The following SMARCA4 variants were observed in gnomAD, a reference collection of about 807,000 sequenced individuals.
SMARCA4 encodes the protein SWI/SNF-related matrix-associated actin-dependent regulator of chromatin subfamily A member 4.
Under a neutral mutation model 193.9 loss-of-function variants are expected in SMARCA4, and 31 were observed. The observed-to-expected ratio is 0.16, with a 90% CI of 0.12 to 0.22. The LOEUF is 0.22. Among genes scored for constraint, SMARCA4 ranks in the 10% least tolerant of loss-of-function variants. The pLI is 1.00. For missense variants in SMARCA4, 1,148 were observed against 2,296.0 expected (o/e 0.50, Z 10.22); for synonymous variants, 942 against 933.1 (o/e 1.01, Z -0.17).
In SMARCA4 at chr19:11,021,865, C is replaced by T. The variant is rs113955216; in HGVS notation, c.2757C>T (p.Pro919=). ...GCACACCGCTGCAGAACAAGCTTCCCGAGCTCTGGGCGCTGCTCAACTTCC... is the reference window on the plus strand; with the variant it reads ...GCACACCGCTGCAGAACAAGCTTCCTGAGCTCTGGGCGCTGCTCAACTTCC... ...LTGTPLQNKL[P]ELWALLNFLL... is the part of the protein sequence containing the mutation. Residue 919 remains proline, a synonymous_variant, in exon 19 of 35, where the codon CCC becomes CCT. Coordinates refer to ENST00000344626, the MANE Select transcript of SMARCA4 (RefSeq NM_003072.5). 828 of 1,613,788 alleles carry T rather than the reference C, an allele frequency of 5.1e-4. 13 individuals carry two copies. The African/African-American group carries it at 8.5e-3, about 17-fold the overall frequency.
At position 10,987,669 on chromosome 19, in the gene SMARCA4, C is replaced by T. The variant is rs1026742588; in HGVS notation, c.863C>T (p.Pro288Leu). ...CTGGCCCCTTGCCTTCTCCCAGGAC[C>T]CATGGCGAATGCTGCTGCCCCCACG... ...GGPPKPWPEG[P>L]MANAAAPTST... Residue 288 changes from proline to leucine, a missense_variant, in exon 6 of 35, where the codon CCC (proline) becomes CTC (leucine). Coordinates refer to ENST00000344626, the MANE Select transcript of SMARCA4 (RefSeq NM_003072.5). This position sits in a 1 kb window ranked among gnomAD's most constrained non-coding sequence, Gnocchi z 5.3. 1 of 1,613,142 alleles carries T rather than the reference C, an allele frequency of 6.2e-7. No individual in the cohort carries two copies. Among genetic ancestry groups the T allele is most frequent in the Non-Finnish European group, 8.5e-7 (1 of 1,179,798 alleles).
At chr19:10,995,641 A>G (rs1174475468) in intron 9 of SMARCA4, 7 of 381,632 alleles carry the variant, frequency 1.8e-5, no homozygotes, top group Non-Finnish European at 3.6e-5. Context: ...ACAAAGGTTG[A>G]GGTGGCAGGC....
intron 19 of SMARCA4, among the ~76,000 whole-genome samples, chr19:11,022,929 A>G (rs1034285840): frequency 3.3e-5 from 5 of 152,262 alleles, no homozygotes; most frequent in African/African-American, 1.2e-4. Context: ...CAGGGAAGCA[A>G]TAGAAGAAAA....
At position 11,034,585 on chromosome 19, in the gene SMARCA4, C is replaced by G. The variant is rs1396339230; in HGVS notation, c.3952-329C>G. On this transcript the variant is annotated intron_variant, in intron 28 of 34. Transcript: ENST00000344626. This position sits in a 1 kb window ranked among gnomAD's most constrained non-coding sequence, Gnocchi z 7.0. ...GGTGGGAAACAGGAAATAAGCCACC[C>G]AAGCAGGGGCCCCTTGGCCCGCAGG... 6.6e-6 allele frequency among the ~76,000 whole-genome samples: 1 copy of G among 152,174 alleles called. No homozygotes were observed. The highest frequency in any genetic ancestry group is 1.5e-5 in the Non-Finnish European group (1 of 68,022).
At chr19:11,012,455 C>T (rs1055309898) in intron 15 of SMARCA4, 1 of 191,264 alleles carries the variant, frequency 5.2e-6, no homozygotes, top group East Asian at 1.2e-4. Flanking sequence ...ATAACGTTAT[C>T]TTCAGTTTGC....
intron 30 of SMARCA4, among the ~76,000 whole-genome samples, chr19:11,055,336 CCTG>C (rs2076482916): frequency 6.6e-6 from 1 of 152,084 alleles, no homozygotes; most frequent in Non-Finnish European, 1.5e-5. Flanking sequence ...ATTGCAGGTG[CCTG>C]TCACCACGCC....
In SMARCA4 at chr19:11,045,282, G is replaced by A. The variant is rs1039592724; in HGVS notation, c.4424+3722G>A. Among the ~76,000 whole-genome samples, 8 of 151,956 alleles carry A rather than the reference G, an allele frequency of 5.3e-5. No homozygotes were observed. In the East Asian group the frequency reaches 9.6e-4, roughly 18 times the overall value. ...TTGCAGTGAGCCGAGACCGCGCCAC[G>A]GCACTCCAGCCTGGGCGACAGAGCG... On this transcript the variant is annotated intron_variant, in intron 30 of 34. Coordinates refer to ENST00000344626, the MANE Select transcript of SMARCA4 (RefSeq NM_003072.5).
intron 30 of SMARCA4, among the ~76,000 whole-genome samples, chr19:11,047,345 G>A (rs1280075514): frequency 1.3e-5 from 2 of 152,102 alleles, no homozygotes; most frequent in East Asian, 3.9e-4. Context: ...GTTGAAGACA[G>A]CGCTGATGTT....
At chr19:10,979,948 A>G (rs1240464756) in intron 1 of SMARCA4, among the ~76,000 whole-genome samples, 1 of 152,180 alleles carries the variant, frequency 6.6e-6, no homozygotes, top group African/African-American at 2.4e-5. Flanking sequence ...TGTACAAGTC[A>G]GTGAGAGTAA....
intron 34 of SMARCA4, chr19:11,060,389 C>G: frequency 1.5e-6 from 1 of 663,254 alleles, no homozygotes; most frequent in Non-Finnish European, 2.6e-6. Flanking sequence ...CTGTGTGACC[C>G]CGGAACCAGC....
At chr19:11,020,730 G>C (rs941507672) in intron 18 of SMARCA4, 2 of 152,302 alleles carry the variant, frequency 1.3e-5, no homozygotes, top group African/African-American at 4.8e-5. Context: ...ACCCAGGTAT[G>C]GGGGGATGGA....
chr19:11,059,557 G>A (rs1244123466), intron 32 of SMARCA4, among the ~76,000 whole-genome samples, 196 bp from the exon 33 acceptor site: 1 of 152,222 alleles, frequency 6.6e-6, no homozygotes, highest in African/African-American at 2.4e-5. Context: ...TCTGATGCTC[G>A]GGCCCCTATG....
At chr19:10,991,882 G>C (rs1432056285) in intron 8 of SMARCA4, among the ~76,000 whole-genome samples, 1 of 152,142 alleles carries the variant, frequency 6.6e-6, no homozygotes, top group African/African-American at 2.4e-5. Context: ...CTTTTGCTCT[G>C]AGTAAAGTGG....
intron 30 of SMARCA4, among the ~76,000 whole-genome samples, chr19:11,050,030 A>C (rs1377530590): frequency 6.6e-6 from 1 of 152,150 alleles, no homozygotes; most frequent in Non-Finnish European, 1.5e-5. Context: ...TGAACCCAGG[A>C]GGAGGTTTCG....
chr19:11,042,949 T>C (rs2075702102), intron 30 of SMARCA4, among the ~76,000 whole-genome samples: 1 of 152,032 alleles, frequency 6.6e-6, no homozygotes, highest in Non-Finnish European at 1.5e-5. Flanking sequence ...CACTCCAGCC[T>C]TGGGTGACAG....
chr19:10,986,094 C>A lies in SMARCA4; in HGVS notation c.356-95C>A. On this transcript the variant is annotated intron_variant, in intron 3 of 34. Coordinates refer to ENST00000344626, the MANE Select transcript of SMARCA4 (RefSeq NM_003072.5). The surrounding 1 kb of genome is among the most constrained non-coding windows in gnomAD (Gnocchi z 6.7). ...AGAGAAGGATGCCATTTGGCTGTGC[C>A]CTGTCTCAGAGTAGGAGCTGGTGTA... 1 of 1,092,618 alleles carries A rather than the reference C, an allele frequency of 9.2e-7. No homozygotes were observed. Among genetic ancestry groups the A allele is most frequent in the Non-Finnish European group, 1.4e-6 (1 of 716,422 alleles). 67.7% of individuals were successfully genotyped at this position (1,092,618 alleles called of 1,614,324 possible).
intron 16 of SMARCA4, among the ~76,000 whole-genome samples, chr19:11,014,898 TGCCTCCTGGGTTCAA>T (rs1329200131): frequency 6.6e-6 from 1 of 152,114 alleles, no homozygotes; most frequent in Non-Finnish European, 1.5e-5. Flanking sequence ...CTGCAACCTC[TGCCTCCTGGGTTCAA>T]GCGATTCTCC....
chr19:11,027,680 C>T (rs903609284), intron 23 of SMARCA4, 104 bp from the exon 24 acceptor site: 21 of 1,269,688 alleles, frequency 1.7e-5, no homozygotes, highest in Middle Eastern at 2.4e-4. Flanking sequence ...CCCTTGAACC[C>T]GGCGCCTGGC....
At position 11,019,819 on chromosome 19, in the gene SMARCA4, G is replaced by A. The variant is rs555833934; in HGVS notation, c.2616+118G>A. On this transcript the variant is annotated intron_variant, in intron 18 of 34. Transcript: ENST00000344626. This position sits in a 1 kb window ranked among gnomAD's most constrained non-coding sequence, Gnocchi z 6.1. Reference sequence around the variant, plus strand: ...TTCCCGGAGTCCCACCTGCATGTGCGTGAAGACAGCTGCCCTGTGTAGGGG... The same window carrying A: ...TTCCCGGAGTCCCACCTGCATGTGCATGAAGACAGCTGCCCTGTGTAGGGG... The A allele has an allele frequency of 5.3e-6, 4 of 755,698 alleles. No homozygotes were observed. The highest frequency in any genetic ancestry group is 9.3e-6 in the Non-Finnish European group (4 of 430,662). The allele number at this position is 755,698 out of a possible 1,614,324, so 46.8% of individuals were successfully genotyped here. A position where few individuals can be genotyped will look rare whatever the true frequency, so the allele number is the denominator to read the frequency against.
Sources: allele counts gnomAD v4.1 joint callset (sites outside exome capture counted in the v4.1 genomes callset), GRCh38; gene constraint gnomAD v4.1.1; non-coding constraint Gnocchi (gnomAD v3.1); transcripts MANE v1.5; gene names NCBI Gene and HGNC (gene_info 2026-07-23, HGNC 2026-07-21).